Variants in CRACD observed in about 807,000 individuals in gnomAD.
CRACD encodes capping protein-inhibiting regulator of actin dynamics.
A neutral mutation model predicts 106.8 loss-of-function variants in CRACD; 56 were observed. The observed-to-expected ratio is 0.52, with a 90% CI of 0.42 to 0.66. CRACD has a LOEUF of 0.66. CRACD is among the 30% of genes least tolerant of loss of function. The pLI is 0.00. For synonymous variants in CRACD, 754 were observed against 670.8 expected, an observed-to-expected ratio of 1.12 and a Z score of -1.92; for missense variants, 1,730 against 1,623.2, an observed-to-expected ratio of 1.07 and a Z score of -1.13.
chr4:56,253,527 C>T (rs1456599530), intron 2 of CRACD, among the ~76,000 whole-genome samples: 2 of 152,130 alleles, frequency 1.3e-5, no homozygotes, highest in East Asian at 1.9e-4. Context: ...CTCATAGTCT[C>T]TTCAAGTAAA....
At chr4:56,221,395 A>G (rs1739022808) in intron 2 of CRACD, among the ~76,000 whole-genome samples, 2 of 152,222 alleles carry the variant, frequency 1.3e-5, no homozygotes, top group African/African-American at 4.8e-5. Context: ...GGTTCACATA[A>G]AACAGCAGTA....
intron 1 of CRACD, among the ~76,000 whole-genome samples, chr4:56,145,971 T>G (rs990921131): frequency 2.6e-5 from 4 of 152,162 alleles, no homozygotes; most frequent in Non-Finnish European, 5.9e-5. Flanking sequence ...CTTTTTCTAG[T>G]TTCCGAGAGT....
At chr4:56,154,339 A>C (rs527530221) in intron 1 of CRACD, among the ~76,000 whole-genome samples, 1 of 151,984 alleles carries the variant, frequency 6.6e-6, no homozygotes, top group Non-Finnish European at 1.5e-5. Context: ...AGTGATATGC[A>C]CCTGTAGTCC....
chr4:56,204,883 G>T (rs939614483), intron 2 of CRACD, among the ~76,000 whole-genome samples: 6 of 152,156 alleles, frequency 3.9e-5, no homozygotes, highest in Admixed American at 3.9e-4. Context: ...AAGACACCCA[G>T]GTACAGTGGC....
intron 1 of CRACD, among the ~76,000 whole-genome samples, chr4:56,095,504 C>A (rs1325668280): frequency 6.6e-6 from 1 of 152,116 alleles, no homozygotes; most frequent in African/African-American, 2.4e-5. Flanking sequence ...TTGAAGAAAT[C>A]GAGGTGGTAG....
At chr4:56,273,565 G>T (rs1742496763) in intron 3 of CRACD, among the ~76,000 whole-genome samples, 1 of 152,070 alleles carries the variant, frequency 6.6e-6, no homozygotes, top group Non-Finnish European at 1.5e-5. Context: ...TATCAGAGCT[G>T]GTTAAACTCT....
intron 1 of CRACD, among the ~76,000 whole-genome samples, chr4:56,070,892 C>T (rs1314308366): frequency 6.0e-5 from 1 of 16,546 alleles, no homozygotes; most frequent in South Asian, 1.5e-3. Context: ...TGTGTGTGTC[C>T]ACAGGCAGGT....
intron 1 of CRACD, among the ~76,000 whole-genome samples, chr4:56,131,033 T>C (rs986804105): frequency 1.3e-5 from 2 of 152,196 alleles, no homozygotes; most frequent in Non-Finnish European, 2.9e-5. Context: ...AAATAAAACA[T>C]AACCTGGATG....
chr4:56,171,072 T>C (rs558676981), intron 1 of CRACD, among the ~76,000 whole-genome samples: 1 of 151,822 alleles, frequency 6.6e-6, no homozygotes, highest in African/African-American at 2.4e-5. Context: ...AAGAAACAAA[T>C]AAGATTTTTA....
intron 1 of CRACD, among the ~76,000 whole-genome samples, chr4:56,070,301 A>ATTT (rs56087277): frequency 0.014 from 1,881 of 133,540 alleles, 75 homozygotes; most frequent in African/African-American, 0.049. Flanking sequence ...GTCCTTGCCC[A>ATTT]TTTTTTTTTT....
rs1560537254 is a variant in CRACD at position 56,315,461 on chromosome 4, G to GCT, written c.1960_1961insTC (p.Pro654LeufsTer24). 8 of 1,612,892 alleles carry GCT rather than the reference G, an allele frequency of 5.0e-6. No individual in the cohort carries two copies. Among genetic ancestry groups the GCT allele is most frequent in the Admixed American group, 3.3e-5 (2 of 60,000 alleles). ...CGAGGGCGGGCAGCGGGAAGGCTAA[G>GCT]CCCCGCCAGGAGTCTCCCAGCAGCG... On this transcript the variant is annotated frameshift_variant, in exon 8 of 11. Coordinates refer to ENST00000682029, the MANE Select transcript of CRACD (RefSeq NM_001393381.1). LOFTEE classifies it high-confidence loss of function. The surrounding 1 kb of genome is among the most constrained non-coding windows in gnomAD (Gnocchi z 4.1).
intron 5 of CRACD, among the ~76,000 whole-genome samples, chr4:56,308,037 C>T (rs548858850): frequency 1.6e-4 from 24 of 152,278 alleles, no homozygotes; most frequent in East Asian, 3.9e-4. Context: ...ATTTTTCACA[C>T]GTCTGTTCTC....
chr4:56,148,727 A>G (rs910774313), intron 1 of CRACD, among the ~76,000 whole-genome samples: 1 of 151,236 alleles, frequency 6.6e-6, no homozygotes, highest in Non-Finnish European at 1.5e-5. Context: ...TGTTCAGTTT[A>G]TTTTCTTTAC....
intron 1 of CRACD, among the ~76,000 whole-genome samples, chr4:56,077,889 T>A (rs1732896752): frequency 6.6e-6 from 1 of 152,206 alleles, no homozygotes; most frequent in African/African-American, 2.4e-5. Flanking sequence ...CAGCAGCTGC[T>A]TTGCCTGCAG....
chr4:56,062,140 C>T (rs183835078), intron 1 of CRACD, among the ~76,000 whole-genome samples: 1 of 152,296 alleles, frequency 6.6e-6, no homozygotes, highest in East Asian at 1.9e-4. Context: ...AAGATGCTGA[C>T]GTTTAAGCAA....
At chr4:56,243,412 T>C (rs1033001826) in intron 2 of CRACD, among the ~76,000 whole-genome samples, 2 of 152,192 alleles carry the variant, frequency 1.3e-5, no homozygotes, top group Non-Finnish European at 2.9e-5. Context: ...CTCATCAATG[T>C]AAGGAATGTT....
intron 3 of CRACD, among the ~76,000 whole-genome samples, chr4:56,291,586 C>T (rs950992290): frequency 1.3e-5 from 2 of 152,160 alleles, no homozygotes; most frequent in African/African-American, 4.8e-5. Context: ...TTGTTTGGAG[C>T]TGGAACTGGT....
intron 1 of CRACD, among the ~76,000 whole-genome samples, chr4:56,175,063 G>A (rs541598744): frequency 3.9e-5 from 6 of 152,280 alleles, no homozygotes; most frequent in Non-Finnish European, 7.4e-5. Flanking sequence ...CCTCTCACCA[G>A]GCCCCTCCCC....
chr4:56,123,604 A>G (rs185234336), intron 1 of CRACD, among the ~76,000 whole-genome samples: 76 of 152,302 alleles, frequency 5.0e-4, no homozygotes, highest in African/African-American at 1.7e-3. Context: ...CATAGAAGGT[A>G]GGCAGTCTTA....
Sources: gnomAD v4.1 joint callset for allele counts (sites outside exome capture counted in the v4.1 genomes callset) on GRCh38, gnomAD v4.1.1 for gene constraint, Gnocchi (gnomAD v3.1) non-coding constraint, MANE v1.5 for transcripts, NCBI Gene and HGNC (gene_info 2026-07-23, HGNC 2026-07-21) for gene names.